The following NRXN3 variants were observed in gnomAD, a reference collection of about 807,000 sequenced individuals.
NRXN3 encodes the protein neurexin 3.
In NRXN3, 32 loss-of-function variants were observed where a neutral mutation model predicts 137.6. That is an observed-to-expected ratio of 0.23 (90% CI 0.18 to 0.31). NRXN3 has a LOEUF of 0.31. Ranked by LOEUF, NRXN3 falls within the 10% of genes least tolerant of loss-of-function variation. The pLI is 1.00. For missense variants in NRXN3, 1,574 were observed against 2,062.5 expected, an observed-to-expected ratio of 0.76 and a Z score of 4.59; for synonymous variants, 798 against 784.5, an observed-to-expected ratio of 1.02 and a Z score of -0.29.
At chr14:78,859,771 A>T (rs957859056) in intron 10 of NRXN3, among the ~76,000 whole-genome samples, 3 of 152,158 alleles carry the variant, frequency 2.0e-5, no homozygotes, top group Non-Finnish European at 4.4e-5. Context: ...GACTTTCTTG[A>T]AAATTCATAT....
chr14:79,485,430 CTA>C (rs2153646048), intron 16 of NRXN3, among the ~76,000 whole-genome samples: 1 of 152,172 alleles, frequency 6.6e-6, no homozygotes, highest in East Asian at 1.9e-4. Context: ...CCTTCTGAGA[CTA>C]TGAATAATTC....
At chr14:79,569,433 A>G (rs571646260) in intron 16 of NRXN3, among the ~76,000 whole-genome samples, 14 of 152,104 alleles carry the variant, frequency 9.2e-5, no homozygotes, top group Non-Finnish European at 1.3e-4. Context: ...CACCCATCCT[A>G]ATCAGGGTAG....
intron 15 of NRXN3, among the ~76,000 whole-genome samples, chr14:79,293,294 T>C (rs1886488885): frequency 6.6e-6 from 1 of 152,204 alleles, no homozygotes; most frequent in Admixed American, 6.5e-5. Flanking sequence ...TGAGGAATGA[T>C]CATGCCCCTA....
chr14:78,562,438 G>A (rs182258348), intron 4 of NRXN3, among the ~76,000 whole-genome samples: 30 of 150,698 alleles, frequency 2.0e-4, no homozygotes, highest in Non-Finnish European at 2.7e-4. Context: ...AGGCAGTGAG[G>A]CAGCTCTGGA....
intron 15 of NRXN3, among the ~76,000 whole-genome samples, chr14:79,371,507 A>G (rs2094108933): frequency 3.3e-5 from 5 of 152,124 alleles, no homozygotes; most frequent in Admixed American, 2.6e-4. Context: ...TAATCCAAAT[A>G]AATGTCTTTT....
At chr14:79,366,656 G>A (rs1234778269) in intron 15 of NRXN3, among the ~76,000 whole-genome samples, 4 of 152,010 alleles carry the variant, frequency 2.6e-5, no homozygotes, top group Non-Finnish European at 5.9e-5. Context: ...ATTTACAGTA[G>A]CTTGCTGCTC....
intron 6 of NRXN3, among the ~76,000 whole-genome samples, chr14:78,699,162 T>G (rs1343698126): frequency 2.0e-5 from 3 of 152,010 alleles, no homozygotes; most frequent in African/African-American, 2.4e-5. Context: ...AGTTAGAACA[T>G]GAAGCCATGG....
chr14:78,570,598 C>T (rs573725713), intron 4 of NRXN3, among the ~76,000 whole-genome samples: 1 of 152,296 alleles, frequency 6.6e-6, no homozygotes. Context: ...AGTTCTCCAG[C>T]AGCCCCCAGG....
intron 15 of NRXN3, among the ~76,000 whole-genome samples, chr14:79,239,305 G>A (rs893824808): frequency 2.0e-5 from 3 of 152,084 alleles, no homozygotes; most frequent in African/African-American, 7.2e-5. Context: ...ACTGCAGAAA[G>A]CAAAGTCGTG....
In NRXN3 at chr14:79,826,972, A is replaced by G. The variant is rs564575986; in HGVS notation, c.4093+21782A>G. 8.9e-4 allele frequency among the ~76,000 whole-genome samples: 135 copies of G among 152,242 alleles called. 1 individual carries two copies. Among genetic ancestry groups the G allele is most frequent in the African/African-American group, 3.1e-3 (130 of 41,542 alleles). ...GCAAGGAAGGACCTGTGTTTCATCTAGTATTCATTCCTTAGAGAGCACGGA... is the reference window on the plus strand; with the variant it reads ...GCAAGGAAGGACCTGTGTTTCATCTGGTATTCATTCCTTAGAGAGCACGGA... On this transcript the variant is annotated intron_variant, in intron 20 of 20. Transcript: ENST00000335750.
At chr14:78,848,742 T>C (rs2099034634) in intron 10 of NRXN3, among the ~76,000 whole-genome samples, 1 of 152,122 alleles carries the variant, frequency 6.6e-6, no homozygotes, top group Admixed American at 6.6e-5. Context: ...ATCTCGAGAA[T>C]ATTTATTTAG....
At chr14:78,278,990 G>A (rs2074015150) in intron 3 of NRXN3, among the ~76,000 whole-genome samples, 1 of 152,154 alleles carries the variant, frequency 6.6e-6, no homozygotes, top group African/African-American at 2.4e-5. Context: ...AATGAACAAC[G>A]TTAGCTTTGT....
At chr14:78,736,091 T>C (rs190801511) in intron 8 of NRXN3, among the ~76,000 whole-genome samples, 4 of 152,128 alleles carry the variant, frequency 2.6e-5, no homozygotes, top group Non-Finnish European at 5.9e-5. Context: ...CTATCCCCTA[T>C]ACAGCTACAC....
In NRXN3 at chr14:79,133,998, A is replaced by C. The variant is rs146100207; in HGVS notation, c.3262+145857A>C. 9.9e-5 allele frequency among the ~76,000 whole-genome samples: 15 copies of C among 152,268 alleles called. No homozygotes were observed. In the East Asian group the frequency reaches 2.9e-3, roughly 29 times the overall value. ...CAAATACGTTATTTACTGAAGGAGT[A>C]AATATGTGTGACAACCAGTGGTGTC... On this transcript the variant is annotated intron_variant, in intron 15 of 20. Transcript: ENST00000335750.
intron 15 of NRXN3, among the ~76,000 whole-genome samples, chr14:79,095,609 A>G (rs1265543196): frequency 5.3e-5 from 8 of 152,118 alleles, no homozygotes; most frequent in Admixed American, 5.2e-4. Flanking sequence ...AAAACAGTTA[A>G]CAATATCGAT....
At chr14:79,386,830 T>A (rs2094636161) in intron 15 of NRXN3, among the ~76,000 whole-genome samples, 1 of 152,122 alleles carries the variant, frequency 6.6e-6, no homozygotes, top group Non-Finnish European at 1.5e-5. Flanking sequence ...TTGACAAACC[T>A]GAGAAAAACA....
intron 4 of NRXN3, among the ~76,000 whole-genome samples, chr14:78,566,250 T>A (rs1444644775): frequency 1.3e-5 from 2 of 152,070 alleles, no homozygotes; most frequent in African/African-American, 4.8e-5. Flanking sequence ...AAGGGCCAAA[T>A]GGTGACTTCA....
At chr14:78,645,565 T>A in intron 5 of NRXN3, 144 bp downstream of exon 5, 1 of 614,266 alleles carries the variant, frequency 1.6e-6, no homozygotes, top group East Asian at 2.9e-5. Context: ...TCCCAGTCTT[T>A]GCAATTTCAC....
chr14:79,051,119 C>G (rs2099641251), intron 15 of NRXN3, among the ~76,000 whole-genome samples: 1 of 152,046 alleles, frequency 6.6e-6, no homozygotes, highest in Non-Finnish European at 1.5e-5. Context: ...AGTGATAGAG[C>G]CAGAATCAGA....
Sources: allele counts gnomAD v4.1 joint callset (sites outside exome capture counted in the v4.1 genomes callset), GRCh38; gene constraint gnomAD v4.1.1; transcripts MANE v1.5; gene names NCBI Gene and HGNC (gene_info 2026-07-23, HGNC 2026-07-21).